MLLT10: variants seen among roughly 807,000 people sequenced by gnomAD.
MLLT10 encodes the protein MLLT10 histone lysine methyltransferase DOT1L cofactor.
A neutral mutation model predicts 129.1 loss-of-function variants in MLLT10; 30 were observed. The observed-to-expected ratio is 0.23, with a 90% CI of 0.17 to 0.32. MLLT10 has a LOEUF of 0.32. MLLT10 is among the 10% of genes least tolerant of loss of function. The pLI is 1.00. For missense variants in MLLT10, 1,119 were observed against 1,268.3 expected (o/e 0.88, Z 1.79); for synonymous variants, 490 against 446.4 (o/e 1.10, Z -1.23).
intron 3 of MLLT10, among the ~76,000 whole-genome samples, chr10:21,568,220 C>T (rs1195283726): frequency 6.6e-6 from 1 of 152,152 alleles, no homozygotes; most frequent in Non-Finnish European, 1.5e-5. Flanking sequence ...GAAGAGAATA[C>T]CCAGGGAATT....
chr10:21,740,372 T>TA (rs2058725399), intron 22 of MLLT10, 136 bp downstream of exon 22: 2 of 932,500 alleles, frequency 2.1e-6, no homozygotes, highest in Admixed American at 2.7e-5. Flanking sequence ...ATGGATATTA[T>TA]AGGCAAAGGA....
Position 21,547,777 on chromosome 10 carries a change from A to G in MLLT10, c.240+8865A>G, listed in dbSNP as rs185217221. Among the ~76,000 whole-genome samples, 173 of 152,150 alleles carry G rather than the reference A, an allele frequency of 1.1e-3. 2 individuals carry two copies. In the East Asian group the frequency reaches 0.016, roughly 14 times the overall value. On this transcript the variant is annotated intron_variant, in intron 3 of 22. Coordinates refer to ENST00000307729, the MANE Select transcript of MLLT10 (RefSeq NM_001195626.3). ...TGTTCTTGAACTCCTGACCTCAGGT[A>G]ATGTTCCTGCTTTGGCCTCCCAAAG... is the stretch of plus-strand genomic sequence containing the variant.
At chr10:21,643,623 A>G (rs1461059988) in intron 8 of MLLT10, among the ~76,000 whole-genome samples, 1 of 152,188 alleles carries the variant, frequency 6.6e-6, no homozygotes, top group African/African-American at 2.4e-5. Flanking sequence ...TTGGCTGTAT[A>G]TAATATTGTT....
chr10:21,696,111 A>G (rs2054335285), intron 13 of MLLT10, among the ~76,000 whole-genome samples: 2 of 152,044 alleles, frequency 1.3e-5, no homozygotes, highest in Admixed American at 6.5e-5. Context: ...ACCAAAGTTC[A>G]TACATTATTG....
intron 13 of MLLT10, chr10:21,708,742 T>C: frequency 2.0e-6 from 2 of 985,332 alleles, no homozygotes; most frequent in Non-Finnish European, 2.4e-6. Flanking sequence ...TTCTCAATAT[T>C]ATTCTTCCAA....
intron 21 of MLLT10, among the ~76,000 whole-genome samples, chr10:21,737,365 A>ATG (rs1375955045): frequency 5.9e-5 from 9 of 152,148 alleles, no homozygotes; most frequent in Admixed American, 5.9e-4. Flanking sequence ...CAGGAGGCAG[A>ATG]TGTGGTGGGC....
At chr10:21,593,218 C>T (rs1398674476) in intron 4 of MLLT10, among the ~76,000 whole-genome samples, 9 of 152,076 alleles carry the variant, frequency 5.9e-5, no homozygotes, top group African/African-American at 2.2e-4. Flanking sequence ...CCTCAACCTC[C>T]TGAGTAGCTG....
chr10:21,544,204 T>C (rs935435558), intron 3 of MLLT10, among the ~76,000 whole-genome samples: 1 of 152,228 alleles, frequency 6.6e-6, no homozygotes, highest in African/African-American at 2.4e-5. Context: ...CTGTGTTACC[T>C]CTTAACCACC....
intron 14 of MLLT10, among the ~76,000 whole-genome samples, chr10:21,717,151 G>C (rs1247487982): frequency 3.3e-5 from 5 of 150,774 alleles, no homozygotes; most frequent in African/African-American, 4.9e-5. Flanking sequence ...TACTCGGGAG[G>C]CTGAGGCAGG....
intron 5 of MLLT10, among the ~76,000 whole-genome samples, chr10:21,599,514 C>A (rs188006063): frequency 6.6e-6 from 1 of 152,048 alleles, no homozygotes; most frequent in Admixed American, 6.6e-5. Flanking sequence ...AATTTTTTCC[C>A]CCATATTTAT....
intron 14 of MLLT10, among the ~76,000 whole-genome samples, chr10:21,725,718 C>A (rs1317738373): frequency 0.011 from 1,075 of 95,162 alleles, no homozygotes; most frequent in Middle Eastern, 0.022. Context: ...AACTCTTTCT[C>A]AAAAAAAAAA....
At position 21,558,171 on chromosome 10, in the gene MLLT10, G is replaced by C. The variant is rs188456551; in HGVS notation, c.240+19259G>C. Among the ~76,000 whole-genome samples, 61 of 151,694 alleles carry C rather than the reference G, an allele frequency of 4.0e-4. No individual in the cohort carries two copies. In the East Asian group the frequency reaches 4.7e-3, roughly 12 times the overall value. On this transcript the variant is annotated intron_variant, in intron 3 of 22. Transcript: ENST00000307729. ...TTGCCATGTTGGCCAGGCTCGTCTC[G>C]AACTACTGACCTCCGGTGATCCACC...
chr10:21,576,411 T>A (rs1169150476), intron 3 of MLLT10, among the ~76,000 whole-genome samples: 1 of 150,858 alleles, frequency 6.6e-6, no homozygotes, highest in Non-Finnish European at 1.5e-5. Flanking sequence ...CCCGGCTAAT[T>A]TTTGTATTTT....
intron 9 of MLLT10, among the ~76,000 whole-genome samples, chr10:21,666,246 C>G (rs893473384): frequency 6.6e-5 from 10 of 152,006 alleles, no homozygotes; most frequent in Non-Finnish European, 1.5e-4. Context: ...AGTATAAGAA[C>G]CTTGTAGCTG....
intron 3 of MLLT10, among the ~76,000 whole-genome samples, chr10:21,555,985 T>G (rs556252923): frequency 6.6e-6 from 1 of 151,446 alleles, no homozygotes; most frequent in Admixed American, 6.6e-5. Context: ...ACGGCCCTTT[T>G]TTTTTTTGGA....
chr10:21,704,119 C>T (rs2055226576), intron 13 of MLLT10, among the ~76,000 whole-genome samples: 1 of 137,928 alleles, frequency 7.3e-6, no homozygotes, highest in African/African-American at 2.7e-5. Flanking sequence ...AAGTGATTCT[C>T]CTGCTTCAGC....
intron 3 of MLLT10, among the ~76,000 whole-genome samples, chr10:21,540,420 G>T (rs1245354685): frequency 6.6e-6 from 1 of 151,926 alleles, no homozygotes; most frequent in East Asian, 1.9e-4. Flanking sequence ...GTTGGGCGTG[G>T]TGGCTTGCAC....
At chr10:21,564,789 A>G (rs2039334232) in intron 3 of MLLT10, among the ~76,000 whole-genome samples, 1 of 149,664 alleles carries the variant, frequency 6.7e-6, no homozygotes, top group African/African-American at 2.5e-5. Context: ...GCACCATTGC[A>G]CTCTAGCCTG....
rs1833869488 is a variant in MLLT10 at position 21,743,031 on chromosome 10, TAA to T, written c.*1051_*1052del. On this transcript the variant is annotated 3_prime_UTR_variant, in exon 23 of 23. Coordinates refer to ENST00000307729, the MANE Select transcript of MLLT10 (RefSeq NM_001195626.3). ...TAAACCACTTCCCATTACTGACCATTAAAAGCTCACCACTAGAGTTCCTGAAA... is the reference window on the plus strand; with the variant it reads ...TAAACCACTTCCCATTACTGACCATTAAGCTCACCACTAGAGTTCCTGAAA... 4.3e-6 allele frequency: 1 copy of T among 230,356 alleles called. No homozygotes were observed. The highest frequency in any genetic ancestry group is 2.2e-5 in the African/African-American group (1 of 45,174). The allele number at this position is 230,356 out of a possible 1,614,324, so 14.3% of individuals were successfully genotyped here. A position where few individuals can be genotyped will look rare whatever the true frequency, so the allele number is the denominator to read the frequency against.
Sources: gnomAD v4.1 joint callset for allele counts (sites outside exome capture counted in the v4.1 genomes callset) on GRCh38, gnomAD v4.1.1 for gene constraint, MANE v1.5 for transcripts, NCBI Gene and HGNC (gene_info 2026-07-23, HGNC 2026-07-21) for gene names.